The following PTK2 variants were observed in gnomAD, a reference collection of about 807,000 sequenced individuals.
The protein encoded by PTK2 is focal adhesion kinase 1.
PTK2 carries 45 observed loss-of-function variants against 150.1 expected under a neutral mutation model. The ratio of observed to expected loss-of-function variants is 0.30; its 90% confidence interval spans 0.24 to 0.38. PTK2 has a LOEUF of 0.38. PTK2 is among the 10% of genes least tolerant of loss of function. The pLI, the probability that PTK2 is intolerant of heterozygous loss-of-function variation, is 1.00. For synonymous variants in PTK2, 432 were observed against 449.2 expected, an observed-to-expected ratio of 0.96 and a Z score of 0.48; for missense variants, 919 against 1,307.3, an observed-to-expected ratio of 0.70 and a Z score of 4.58.
Position 140,993,847 on chromosome 8 carries a change from A to C in PTK2, c.-122+7278T>G, listed in dbSNP as rs551097219. On this transcript the variant is annotated intron_variant, in intron 1 of 31. Transcript: ENST00000522684. ...CAGACTCAAGTGATCCTCCCACCTC[A>C]GCTTCCCAGGTAGCTGGGACTACAG... Among the ~76,000 whole-genome samples the C allele has an allele frequency of 3.3e-5, 5 of 152,084 alleles. No individual in the cohort carries two copies. In the South Asian group the frequency reaches 1.0e-3, roughly 32 times the overall value.
intron 8 of PTK2, among the ~76,000 whole-genome samples, chr8:140,829,870 C>A (rs2100114271): frequency 6.6e-6 from 1 of 152,082 alleles, no homozygotes; most frequent in Non-Finnish European, 1.5e-5. Context: ...AAGTTTGTAT[C>A]CCCTGCTGCG....
chr8:140,986,118 G>T (rs1418856537), intron 1 of PTK2, among the ~76,000 whole-genome samples: 1 of 152,206 alleles, frequency 6.6e-6, no homozygotes, highest in African/African-American at 2.4e-5. Flanking sequence ...TGATGAAAAT[G>T]TTCTATACCA....
chr8:140,983,224 T>C (rs1308180535), intron 1 of PTK2, among the ~76,000 whole-genome samples: 2 of 151,790 alleles, frequency 1.3e-5, no homozygotes, highest in African/African-American at 2.4e-5. Flanking sequence ...CTGTCTCTAC[T>C]AAAAATGCAA....
chr8:140,927,975 A>AAAAAAATATATATAT, intron 1 of PTK2, among the ~76,000 whole-genome samples: 2 of 48,196 alleles, frequency 4.1e-5, no homozygotes, highest in Non-Finnish European at 6.8e-5. Context: ...AAAAAAAAAA[A>AAAAAAATATATATAT]ATATATATAT....
At chr8:141,001,261 G>A (rs1473180042), upstream of PTK2, 4 of 147,010 alleles carry the variant, frequency 2.7e-5, no homozygotes, top group African/African-American at 4.9e-5. Context: ...GCGGCGGCGC[G>A]GGCTCGCGCC....
intron 5 of PTK2, among the ~76,000 whole-genome samples, chr8:140,856,478 A>G (rs1479548903): frequency 2.6e-5 from 4 of 152,266 alleles, no homozygotes; most frequent in African/African-American, 9.6e-5. Flanking sequence ...ACTCAACAAG[A>G]AAACTACTGA....
At chr8:140,678,452 T>C (rs771693703) in intron 27 of PTK2, among the ~76,000 whole-genome samples, 17 of 152,336 alleles carry the variant, frequency 1.1e-4, no homozygotes, top group Admixed American at 4.6e-4. Context: ...GCTCAAGTGA[T>C]GCTCCTGCCT....
At chr8:140,800,463 C>T in exon 12 of PTK2, 3 of 1,609,974 alleles carry the variant, frequency 1.9e-6, no homozygotes, top group Non-Finnish European at 2.6e-6. Context: ...CCTCACCTTT[C>T]TGAGGTCTGA....
intron 23 of PTK2, among the ~76,000 whole-genome samples, chr8:140,716,595 C>G (rs2100039842): frequency 6.6e-6 from 1 of 152,156 alleles, no homozygotes; most frequent in Non-Finnish European, 1.5e-5. Flanking sequence ...TGTACGTTTA[C>G]TGTTACAGAG....
At chr8:140,820,101 TTTTTTTTTTTTTTTTTTA>T (rs1356383791) in intron 8 of PTK2, among the ~76,000 whole-genome samples, 1,410 of 90,500 alleles carry the variant, frequency 0.016, 59 homozygotes, top group Middle Eastern at 0.022. Flanking sequence ...TTTTTTTTTT[TTTTTTTTTTTTTTTTTTA>T]AATAGGGTCT....
At chr8:140,846,745 T>C (rs1475046113) in intron 5 of PTK2, 67 bp from the exon 6 acceptor site, 7 of 1,131,062 alleles carry the variant, frequency 6.2e-6, no homozygotes, top group African/African-American at 1.6e-5. Flanking sequence ...ATGCATTCAA[T>C]AAATGTTTCC....
At chr8:140,665,233 T>C (rs958042557) in intron 30 of PTK2, among the ~76,000 whole-genome samples, 4 of 152,132 alleles carry the variant, frequency 2.6e-5, no homozygotes, top group African/African-American at 4.8e-5. Flanking sequence ...CAGAAGTTCA[T>C]GTAAGAAAAG....
At chr8:140,736,260 T>C (rs1373100283) in intron 21 of PTK2, among the ~76,000 whole-genome samples, 1 of 152,224 alleles carries the variant, frequency 6.6e-6, no homozygotes, top group African/African-American at 2.4e-5. Flanking sequence ...CCAAAGTGCA[T>C]TAATGCAGAA....
intron 20 of PTK2, among the ~76,000 whole-genome samples, chr8:140,740,580 T>C (rs543197257): frequency 1.3e-5 from 2 of 152,362 alleles, no homozygotes; most frequent in East Asian, 1.9e-4. Context: ...TGTACACTTA[T>C]TAACCTTTCT....
At chr8:140,675,152 A>G (rs1431503892) in intron 28 of PTK2, among the ~76,000 whole-genome samples, 2 of 150,080 alleles carry the variant, frequency 1.3e-5, no homozygotes, top group African/African-American at 4.9e-5. Context: ...CTTGCATTCT[A>G]AGGAGGCATT....
chr8:140,956,493 C>T (rs1231698612), intron 1 of PTK2, among the ~76,000 whole-genome samples: 2 of 152,168 alleles, frequency 1.3e-5, no homozygotes, highest in Non-Finnish European at 2.9e-5. Context: ...ATGTTACTGG[C>T]TTATTTATTG....
At chr8:140,818,745 A>G in intron 9 of PTK2, 135 bp downstream of exon 9, 1 of 1,046,994 alleles carries the variant, frequency 9.6e-7, no homozygotes, top group South Asian at 1.6e-5. Flanking sequence ...TTCACATGGT[A>G]AAATGAAAAA....
chr8:140,665,251 G>C (rs1010634129), intron 30 of PTK2, among the ~76,000 whole-genome samples: 1 of 152,026 alleles, frequency 6.6e-6, no homozygotes, highest in Non-Finnish European at 1.5e-5. Flanking sequence ...AAGTCACACA[G>C]ATGCTGAGGG....
chr8:140,682,725 C>T (rs2100017768), intron 27 of PTK2, among the ~76,000 whole-genome samples: 1 of 151,478 alleles, frequency 6.6e-6, no homozygotes, highest in Non-Finnish European at 1.5e-5. Flanking sequence ...TTGTTCAAAA[C>T]CATATGATTA....
Sources: allele counts gnomAD v4.1 joint callset (sites outside exome capture counted in the v4.1 genomes callset), GRCh38; gene constraint gnomAD v4.1.1; transcripts MANE v1.5; gene names NCBI Gene and HGNC (gene_info 2026-07-23, HGNC 2026-07-21).